ZNF470: variants seen among roughly 807,000 people sequenced by gnomAD.
The protein encoded by ZNF470 is zinc finger protein 470, also known as chondrogenesis zinc finger protein 1.
In ZNF470, 13 loss-of-function variants were observed where a neutral mutation model predicts 13.9. That is an observed-to-expected ratio of 0.94 (90% CI 0.61 to 1.49). ZNF470 has a LOEUF of 1.49. ZNF470 is among the 40% of genes most tolerant of loss of function. The probability of loss-of-function intolerance (pLI) is 0.00; values close to 1 mark genes in which losing one functional copy is unlikely to be tolerated. For synonymous variants in ZNF470, 293 were observed against 282.9 expected, an observed-to-expected ratio of 1.04 and a Z score of -0.36; for missense variants, 929 against 857.3, an observed-to-expected ratio of 1.08 and a Z score of -1.04.
chr19:56,567,721 C>G lies in ZNF470; in HGVS notation c.-476C>G. 2 of 988,638 alleles carry G rather than the reference C, an allele frequency of 2.0e-6. No individual in the cohort carries two copies. The highest frequency in any genetic ancestry group is 2.4e-6 in the Non-Finnish European group (2 of 832,516). 61.2% of individuals were successfully genotyped at this position (988,638 alleles called of 1,614,324 possible). On this transcript the variant is annotated 5_prime_UTR_variant, in exon 1 of 6. Transcript: ENST00000330619. ...GGATGGCGGCCCGGTGTGTGACTGTCCGGTGCGTGGCCGCGAATCTGCGCC... is the reference window on the plus strand; with the variant it reads ...GGATGGCGGCCCGGTGTGTGACTGTGCGGTGCGTGGCCGCGAATCTGCGCC...
At position 56,567,876 on chromosome 19, in the gene ZNF470, G is replaced by A; in HGVS notation, c.-321G>A. 2 of 985,420 alleles carry A rather than the reference G, an allele frequency of 2.0e-6. No individual in the cohort carries two copies. Among genetic ancestry groups the A allele is most frequent in the Non-Finnish European group, 2.4e-6 (2 of 830,066 alleles). 61.0% of individuals were successfully genotyped at this position (985,420 alleles called of 1,614,324 possible). A position where few individuals can be genotyped will look rare whatever the true frequency, so the allele number is the denominator to read the frequency against. On this transcript the variant is annotated 5_prime_UTR_variant, in exon 1 of 6. Coordinates refer to ENST00000330619, the MANE Select transcript of ZNF470 (RefSeq NM_001001668.4). ...TTCTCCCCTGTATCGACTGCGTAGA[G>A]CCCAGTGTGGGCAAAGTCCTAGAGC...
chr19:56,574,665 TCTC>T lies in ZNF470; in HGVS notation c.218_220del (p.Ser73del). ...CTTTGCATTTCTAAACCAGATGTGATCTCCTTACTGGAGCAAGAGAAAGACCCT... is the reference window on the plus strand; with the variant it reads ...CTTTGCATTTCTAAACCAGATGTGATCTTACTGGAGCAAGAGAAAGACCCT... On this transcript the variant is annotated inframe_deletion, in exon 5 of 6. Coordinates refer to ENST00000330619, the MANE Select transcript of ZNF470 (RefSeq NM_001001668.4). 1 of 1,613,762 alleles carries T rather than the reference TCTC, an allele frequency of 6.2e-7. No individual in the cohort carries two copies. The highest frequency in any genetic ancestry group is 2.2e-5 in the East Asian group (1 of 44,862).
Position 56,567,873 on chromosome 19 carries a change from A to G in ZNF470, c.-324A>G, listed in dbSNP as rs961786230. 5.1e-6 allele frequency: 5 copies of G among 984,886 alleles called. No homozygotes were observed. The highest frequency in any genetic ancestry group is 1.8e-5 in the African/African-American group (1 of 57,036). The allele number at this position is 984,886 out of a possible 1,614,324, so 61.0% of individuals were successfully genotyped here. A position where few individuals can be genotyped will look rare whatever the true frequency, so the allele number is the denominator to read the frequency against. The stretch of plus-strand genomic sequence containing the variant: ...CCGTTCTCCCCTGTATCGACTGCGT[A>G]GAGCCCAGTGTGGGCAAAGTCCTAG... On this transcript the variant is annotated 5_prime_UTR_variant, in exon 1 of 6. Coordinates refer to ENST00000330619, the MANE Select transcript of ZNF470 (RefSeq NM_001001668.4).
chr19:56,574,501 C>T lies in ZNF470; in HGVS notation c.168C>T (p.Tyr56=), dbSNP rs968493440. The T allele has an allele frequency of 9.9e-6, 16 of 1,613,742 alleles. No homozygotes were observed. Among genetic ancestry groups the T allele is most frequent in the Admixed American group, 1.7e-5 (1 of 60,002 alleles). Residue 56 remains tyrosine, a synonymous_variant, in exon 4 of 6, where the codon TAC becomes TAT. Transcript: ENST00000330619. ...ACAAGAAGGTGATGTTAGAAAACTA[C>T]AGGAACCTAGTTTCAGTGGGTAAGA... ...SLYKKVMLEN[Y]RNLVSVGLCI... is the part of the protein sequence containing the mutation.
In ZNF470 at chr19:56,573,797, A is replaced by T. The variant is rs889889751; in HGVS notation, c.61-597A>T. ...TCTCTACAAAATGAAGAAGTAAATA[A>T]AAAAGGAAAATGAAAAACAACTTTT... On this transcript the variant is annotated intron_variant, in intron 3 of 5. Transcript: ENST00000330619. The T allele has an allele frequency of 5.6e-5, 13 of 230,500 alleles. 1 individual carries two copies. In the Admixed American group the frequency reaches 6.5e-4, roughly 12 times the overall value. The allele number at this position is 230,500 out of a possible 1,614,324, so 14.3% of individuals were successfully genotyped here. A position where few individuals can be genotyped will look rare whatever the true frequency, so the allele number is the denominator to read the frequency against.
At chr19:56,568,556 A>T (rs887356724) in intron 1 of ZNF470, among the ~76,000 whole-genome samples, 2 of 151,770 alleles carry the variant, frequency 1.3e-5, no homozygotes, top group Non-Finnish European at 2.9e-5. Context: ...CTGGCCTCCC[A>T]CTCCAATAAA....
At chr19:56,573,505 T>TA (rs1363905368) in intron 3 of ZNF470, among the ~76,000 whole-genome samples, 2 of 152,188 alleles carry the variant, frequency 1.3e-5, no homozygotes, top group African/African-American at 4.8e-5. Flanking sequence ...AGTGAAGTCA[T>TA]AAAAAAATTG....
rs1305287469 is a variant in ZNF470 at position 56,578,048 on chromosome 19, A to G, written c.1619A>G (p.Lys540Arg). 16 of 1,614,048 alleles carry G rather than the reference A, an allele frequency of 9.9e-6. No homozygotes were observed. Among genetic ancestry groups the G allele is most frequent in the Non-Finnish European group, 1.3e-5 (15 of 1,180,004 alleles). Residue 540 changes from lysine (K) to arginine (R), a missense_variant, in exon 6 of 6, where the codon AAG (lysine) becomes AGG (arginine). Coordinates refer to ENST00000330619, the MANE Select transcript of ZNF470 (RefSeq NM_001001668.4). The part of the protein sequence containing the change: ...IHTGEKPYEC[K>R]ECGKAFSQIA... ...ACTGGGGAGAAACCTTATGAATGTAAGGAATGTGGTAAGGCCTTCAGTCAG... is the reference window on the plus strand; with the variant it reads ...ACTGGGGAGAAACCTTATGAATGTAGGGAATGTGGTAAGGCCTTCAGTCAG...
At chr19:56,570,557 CAGAGGT>C (rs758550076) in intron 3 of ZNF470, among the ~76,000 whole-genome samples, 186 bp downstream of exon 3, 41 of 152,292 alleles carry the variant, frequency 2.7e-4, no homozygotes, top group Non-Finnish European at 4.9e-4. Flanking sequence ...AGTGCCCTCT[CAGAGGT>C]TCCTTCTCTC....
Position 56,576,987 on chromosome 19 carries a change from A to T in ZNF470, c.558A>T (p.Leu186Phe). 1 of 1,588,556 alleles carries T rather than the reference A, an allele frequency of 6.3e-7. No individual in the cohort carries two copies. The highest frequency in any genetic ancestry group is 8.5e-7 in the Non-Finnish European group (1 of 1,172,226). The change falls in exon 6 of 6, where the codon TTA becomes TTT. Residue 186 changes from leucine to phenylalanine, a missense_variant. By Grantham distance (22) the Leu-to-Phe change is conservative (BLOSUM62 0). Transcript: ENST00000330619. ...KSGTVFHLNT[L>F]SYIKQIFPME... Reference sequence around the variant, plus strand: ...GGACAGTTTTTCATCTGAATACATTATCTTATATAAAACAGATTTTTCCCA... The same window carrying T: ...GGACAGTTTTTCATCTGAATACATTTTCTTATATAAAACAGATTTTTCCCA...
chr19:56,574,624 CTT>C lies in ZNF470; in HGVS notation c.188-10_188-9del. 2 of 1,612,534 alleles carry C rather than the reference CTT, an allele frequency of 1.2e-6. No homozygotes were observed. The highest frequency in any genetic ancestry group is 4.5e-5 in the East Asian group (2 of 44,856). On this transcript the variant is annotated splice_polypyrimidine_tract_variant and intron_variant, in intron 4 of 5. Transcript: ENST00000330619. The stretch of plus-strand genomic sequence containing the variant: ...CACAGCATAGGCAATTTTTATATGT[CTT>C]TTTACATGCAGGTCTTTGCATTTCT...
In ZNF470 at chr19:56,577,053, C is replaced by A; in HGVS notation, c.624C>A (p.Ser208Arg). 2 of 1,589,302 alleles carry A rather than the reference C, an allele frequency of 1.3e-6. No homozygotes were observed. Among genetic ancestry groups the A allele is most frequent in the Non-Finnish European group, 8.5e-7 (1 of 1,172,382 alleles). ...TTAATTTTCATACAGATAAGAAAAG[C>A]TTAAAAACACATTCAGTTGTGAAAA... ...RIFNFHTDKK[S>R]LKTHSVVKKH... The change falls in exon 6 of 6, where the codon AGC becomes AGA. Residue 208 changes from serine (S) to arginine (R), a missense_variant. Coordinates refer to ENST00000330619, the MANE Select transcript of ZNF470 (RefSeq NM_001001668.4).
Position 56,577,238 on chromosome 19 carries a change from A to T in ZNF470, c.809A>T (p.His270Leu). 6.2e-7 allele frequency: 1 copy of T among 1,611,892 alleles called. No homozygotes were observed. Among genetic ancestry groups the T allele is most frequent in the Non-Finnish European group, 8.5e-7 (1 of 1,178,932 alleles). Residue 270 changes from histidine to leucine, a missense_variant, in exon 6 of 6, where the codon CAC becomes CTC. Transcript: ENST00000330619. ...ECGKAFSQSA[H>L]LAQHQRIHTG... is the part of the protein sequence containing the mutation. Reference sequence around the variant, plus strand: ...GGAAAGGCCTTTAGCCAGAGTGCCCACCTTGCTCAACATCAGAGAATACAC... The same window carrying T: ...GGAAAGGCCTTTAGCCAGAGTGCCCTCCTTGCTCAACATCAGAGAATACAC...
chr19:56,571,578 A>T (rs1055815923), intron 3 of ZNF470, among the ~76,000 whole-genome samples: 1 of 151,962 alleles, frequency 6.6e-6, no homozygotes, highest in African/African-American at 2.4e-5. Context: ...TAAAATTTTT[A>T]AAATGGAGTA....
intron 5 of ZNF470, among the ~76,000 whole-genome samples, chr19:56,575,639 T>C (rs1344169518): frequency 6.6e-6 from 1 of 152,044 alleles, no homozygotes; most frequent in African/African-American, 2.4e-5. Flanking sequence ...TTTTATTTTA[T>C]TTTACTTTTT....
intron 5 of ZNF470, among the ~76,000 whole-genome samples, chr19:56,575,690 G>A (rs1600567528): frequency 6.6e-6 from 1 of 151,952 alleles, no homozygotes; most frequent in East Asian, 1.9e-4. Context: ...CCAGGCTGGA[G>A]TTGAACTTTT....
chr19:56,573,914 T>A, intron 3 of ZNF470: 1 of 977,192 alleles, frequency 1.0e-6, no homozygotes, highest in Non-Finnish European at 1.2e-6. Flanking sequence ...TTTTTAGGCA[T>A]ACCTCTTAAC....
Position 56,574,507 on chromosome 19 carries a change from C to A in ZNF470, c.174C>A (p.Asn58Lys). 6.2e-7 allele frequency: 1 copy of A among 1,613,848 alleles called. No homozygotes were observed. The highest frequency in any genetic ancestry group is 8.5e-7 in the Non-Finnish European group (1 of 1,179,788). ...YKKVMLENYR[N>K]LVSVGLCISK... Reference sequence around the variant, plus strand: ...AGGTGATGTTAGAAAACTACAGGAACCTAGTTTCAGTGGGTAAGAGTATCT... The same window carrying A: ...AGGTGATGTTAGAAAACTACAGGAAACTAGTTTCAGTGGGTAAGAGTATCT... Residue 58 changes from asparagine to lysine, a missense_variant, in exon 4 of 6, where the codon AAC becomes AAA. Physicochemically the swap from Asn to Lys is moderately conservative, Grantham distance 94. Coordinates refer to ENST00000330619, the MANE Select transcript of ZNF470 (RefSeq NM_001001668.4).
chr19:56,577,099 G>T lies in ZNF470; in HGVS notation c.670G>T (p.Glu224Ter), dbSNP rs758662225. ...VVKKHKQDRGEKKLLKCNDCE... is the reference protein window; with the variant it reads ...VVKKHKQDRG ...GAAAAAACACAAGCAAGACCGTGGA[G>T]AAAAGAAACTTTTAAAATGTAATGA... Residue 224 changes from glutamate (E) to a stop codon, truncating the protein, a stop_gained, in exon 6 of 6, where the codon GAA (glutamate) becomes TAA (stop). Coordinates refer to ENST00000330619, the MANE Select transcript of ZNF470 (RefSeq NM_001001668.4). LOFTEE classifies it low-confidence loss of function (END_TRUNC). The T allele has an allele frequency of 6.2e-7, 1 of 1,608,324 alleles. No homozygotes were observed. The highest frequency in any genetic ancestry group is 8.5e-7 in the Non-Finnish European group (1 of 1,178,490).
Sources: gnomAD v4.1 joint callset for allele counts (sites outside exome capture counted in the v4.1 genomes callset) on GRCh38, gnomAD v4.1.1 for gene constraint, MANE v1.5 for transcripts, NCBI Gene and HGNC (gene_info 2026-07-23, HGNC 2026-07-21) for gene names.